Variants in COMMD10 observed in about 807,000 individuals in gnomAD.
The protein encoded by COMMD10 is COMM domain containing 10.
COMMD10 carries 33 observed loss-of-function variants against 28.9 expected under a neutral mutation model. The observed-to-expected ratio is 1.14, with a 90% CI of 0.87 to 1.53. COMMD10 has a LOEUF of 1.53. Ranked by LOEUF, COMMD10 falls within the 40% of genes most tolerant of loss-of-function variation. COMMD10 has a pLI of 0.00. For missense variants in COMMD10, 310 were observed against 233.4 expected (o/e 1.33, Z -2.14); for synonymous variants, 110 against 81.7 (o/e 1.35, Z -1.87).
intron 5 of COMMD10, among the ~76,000 whole-genome samples, chr5:116,207,370 C>T (rs1748840128): frequency 6.6e-6 from 1 of 152,118 alleles, no homozygotes; most frequent in South Asian, 2.1e-4. Flanking sequence ...TAGAGAAGGA[C>T]ATGAATATAG....
chr5:116,089,227 T>C (rs185461158), intron 2 of COMMD10, among the ~76,000 whole-genome samples: 10 of 152,322 alleles, frequency 6.6e-5, no homozygotes, highest in South Asian at 2.1e-4. Flanking sequence ...ACATAGGTAC[T>C]GTGGTCATCT....
intron 5 of COMMD10, among the ~76,000 whole-genome samples, chr5:116,226,847 T>G (rs1033190261): frequency 6.6e-6 from 1 of 152,150 alleles, no homozygotes; most frequent in Non-Finnish European, 1.5e-5. Context: ...TCTGTTAAAG[T>G]TGCAGGAAGT....
At chr5:116,116,338 AT>A (rs779284106) in intron 4 of COMMD10, among the ~76,000 whole-genome samples, 26 of 152,222 alleles carry the variant, frequency 1.7e-4, no homozygotes, top group Admixed American at 1.6e-3. Flanking sequence ...ATTTGATTTC[AT>A]TTCTTTTGGC....
At chr5:116,168,728 C>T (rs1220544518) in intron 5 of COMMD10, among the ~76,000 whole-genome samples, 1 of 152,166 alleles carries the variant, frequency 6.6e-6, no homozygotes, top group African/African-American at 2.4e-5. Flanking sequence ...TGCTGAATGA[C>T]TACTGGGTAA....
intron 5 of COMMD10, among the ~76,000 whole-genome samples, chr5:116,137,894 C>T (rs1342829354): frequency 1.3e-5 from 2 of 151,936 alleles, no homozygotes; most frequent in Non-Finnish European, 2.9e-5. Context: ...TAGTGTTTGT[C>T]TACTGTGTTT....
At chr5:116,166,928 A>G (rs1753140032) in intron 5 of COMMD10, among the ~76,000 whole-genome samples, 1 of 152,158 alleles carries the variant, frequency 6.6e-6, no homozygotes, top group Admixed American at 6.5e-5. Context: ...TCCCTAAACC[A>G]GAATGCCCAT....
intron 4 of COMMD10, among the ~76,000 whole-genome samples, chr5:116,132,303 G>C (rs1207349132): frequency 3.3e-5 from 5 of 152,124 alleles, no homozygotes; most frequent in Non-Finnish European, 5.9e-5. Flanking sequence ...AGAAAAGTAG[G>C]TAGTTCAGAT....
intron 1 of COMMD10, among the ~76,000 whole-genome samples, chr5:116,087,132 T>A (rs974363443): frequency 1.3e-5 from 2 of 152,246 alleles, no homozygotes; most frequent in African/African-American, 4.8e-5. Context: ...GTAATTGCCA[T>A]AATTGCTATT....
chr5:116,202,347 C>G (rs1040929327), intron 5 of COMMD10, among the ~76,000 whole-genome samples: 2 of 151,616 alleles, frequency 1.3e-5, no homozygotes, highest in Non-Finnish European at 2.9e-5. Flanking sequence ...AATAAACATA[C>G]GTGTGCATGT....
At chr5:116,186,138 A>G (rs1191647098) in intron 5 of COMMD10, among the ~76,000 whole-genome samples, 1 of 152,158 alleles carries the variant, frequency 6.6e-6, no homozygotes, top group Non-Finnish European at 1.5e-5. Flanking sequence ...AAATAAATCC[A>G]AGCATCGAAT....
At chr5:116,127,614 A>C (rs530182043) in intron 4 of COMMD10, among the ~76,000 whole-genome samples, 1 of 152,218 alleles carries the variant, frequency 6.6e-6, no homozygotes, top group African/African-American at 2.4e-5. Flanking sequence ...GGATGAGTTC[A>C]TGTCCTTTGT....
intron 5 of COMMD10, among the ~76,000 whole-genome samples, chr5:116,264,110 G>T (rs1750520680): frequency 6.6e-6 from 1 of 151,638 alleles, no homozygotes; most frequent in South Asian, 2.1e-4. Context: ...TAAAGGAGTG[G>T]CCCCTAAATC....
At chr5:116,169,469 A>T (rs561118443) in intron 5 of COMMD10, among the ~76,000 whole-genome samples, 28 of 152,164 alleles carry the variant, frequency 1.8e-4, no homozygotes, top group African/African-American at 6.7e-4. Context: ...AAAAAGAGGG[A>T]CTCCTCCCTA....
chr5:116,256,805 T>C (rs1478798621), intron 5 of COMMD10, among the ~76,000 whole-genome samples: 5 of 151,786 alleles, frequency 3.3e-5, no homozygotes, highest in African/African-American at 2.4e-5. Context: ...TTTGCATACA[T>C]TGAATCATCA....
intron 5 of COMMD10, among the ~76,000 whole-genome samples, chr5:116,150,320 G>C (rs560333824): frequency 3.3e-5 from 5 of 152,102 alleles, no homozygotes; most frequent in Non-Finnish European, 5.9e-5. Flanking sequence ...TTTTTGCTTA[G>C]GATTGACTTG....
At chr5:116,110,736 A>G (rs1219577809) in intron 4 of COMMD10, among the ~76,000 whole-genome samples, 4 of 152,202 alleles carry the variant, frequency 2.6e-5, no homozygotes, top group Admixed American at 2.6e-4. Flanking sequence ...TTGAGAAACA[A>G]AACAATCATA....
chr5:116,280,013 G>A (rs1255755769), intron 5 of COMMD10, among the ~76,000 whole-genome samples: 2 of 151,810 alleles, frequency 1.3e-5, no homozygotes, highest in East Asian at 1.9e-4. Context: ...GTGCTATAGC[G>A]ATCTGAAGTT....
chr5:116,127,433 C>G (rs1041548814), intron 4 of COMMD10, among the ~76,000 whole-genome samples: 2 of 152,114 alleles, frequency 1.3e-5, no homozygotes, highest in African/African-American at 2.4e-5. Flanking sequence ...TAGGTATATA[C>G]CCAAAGGATT....
chr5:116,285,720 T>C lies in COMMD10; in HGVS notation c.511-5797T>C, dbSNP rs186824249. ...AATAAATACTACTTGTATAATGATA[T>C]GTAGTATACCATGGTGTATAAACCC... On this transcript the variant is annotated intron_variant, in intron 5 of 6. Transcript: ENST00000274458. 7.2e-5 allele frequency among the ~76,000 whole-genome samples: 11 copies of C among 152,108 alleles called. No homozygotes were observed. In the East Asian group the frequency reaches 1.5e-3, roughly 21 times the overall value.
Sources: allele counts gnomAD v4.1 joint callset (sites outside exome capture counted in the v4.1 genomes callset), GRCh38; gene constraint gnomAD v4.1.1; transcripts MANE v1.5; gene names NCBI Gene and HGNC (gene_info 2026-07-23, HGNC 2026-07-21).